Variants in DTNA observed in about 807,000 individuals in gnomAD.
DTNA encodes dystrophin-related protein 3.
In DTNA, 43 loss-of-function variants were observed where a neutral mutation model predicts 100.7. The observed-to-expected ratio is 0.43, with a 90% confidence interval of 0.33 to 0.55. The LOEUF is 0.55. DTNA is among the 20% of genes least tolerant of loss of function. DTNA has a pLI of 0.04. For missense variants in DTNA, 798 were observed against 953.9 expected, an observed-to-expected ratio of 0.84 and a Z score of 2.15; for synonymous variants, 349 against 347.9, an observed-to-expected ratio of 1.00 and a Z score of -0.04.
At chr18:34,734,416 C>T (rs558475475) in intron 1 of DTNA, among the ~76,000 whole-genome samples, 47 of 152,310 alleles carry the variant, frequency 3.1e-4, no homozygotes, top group African/African-American at 1.1e-3. Context: ...CACACATCCC[C>T]ATTCCAAGTT....
At chr18:34,736,690 T>C (rs1196868626) in intron 1 of DTNA, among the ~76,000 whole-genome samples, 1 of 152,188 alleles carries the variant, frequency 6.6e-6, no homozygotes, top group Non-Finnish European at 1.5e-5. Flanking sequence ...TATTCAAAAT[T>C]GTGCATTAAA....
chr18:34,646,958 C>A (rs1367852710), intron 1 of DTNA, among the ~76,000 whole-genome samples: 1 of 152,012 alleles, frequency 6.6e-6, no homozygotes, highest in African/African-American at 2.4e-5. Context: ...TCGTGATCCA[C>A]CCACCTCGGC....
chr18:34,890,032 G>C lies in DTNA; in HGVS notation c.*2298G>C, dbSNP rs927678867. 3.1e-5 allele frequency: 40 copies of C among 1,278,638 alleles called. No homozygotes were observed. The Middle Eastern group carries it at 9.2e-4, about 29-fold the overall frequency. 79.2% of individuals were successfully genotyped at this position (1,278,638 alleles called of 1,614,324 possible). A position where few individuals can be genotyped will look rare whatever the true frequency, so the allele number is the denominator to read the frequency against. Reference sequence around the variant, plus strand: ...TCAAAATCATAGCCAGGTAGTTCTTGAACTCAGAACTTAAATCCTGCACGT... The same window carrying C: ...TCAAAATCATAGCCAGGTAGTTCTTCAACTCAGAACTTAAATCCTGCACGT... On this transcript the variant is annotated 3_prime_UTR_variant, in exon 23 of 23. Coordinates refer to ENST00000444659, the MANE Select transcript of DTNA (RefSeq NM_001386795.1).
chr18:34,522,386 T>C (rs1258842113), intron 1 of DTNA, among the ~76,000 whole-genome samples: 2 of 152,204 alleles, frequency 1.3e-5, no homozygotes, highest in African/African-American at 4.8e-5. Flanking sequence ...TTGTCTCTTC[T>C]AGACTTTTAT....
chr18:34,493,623 G>C (rs1376447106), intron 1 of DTNA: 1 of 150,520 alleles, frequency 6.6e-6, no homozygotes, highest in Non-Finnish European at 1.5e-5. Flanking sequence ...GGGCTGCCGC[G>C]CTGCCCCCGG....
chr18:34,767,438 G>C (rs1160370092), intron 3 of DTNA: 2 of 152,190 alleles, frequency 1.3e-5, no homozygotes, highest in Non-Finnish European at 2.9e-5. Flanking sequence ...GGAAGGAGGG[G>C]ATGGAAGAAA....
chr18:34,775,666 AAGGAAT>A (rs2094009012), intron 3 of DTNA, among the ~76,000 whole-genome samples: 1 of 152,356 alleles, frequency 6.6e-6, no homozygotes, highest in East Asian at 1.9e-4. Flanking sequence ...GACAGCCAGC[AAGGAAT>A]AGGGACCTCA....
At chr18:34,798,327 A>G (rs1213272534) in intron 4 of DTNA, among the ~76,000 whole-genome samples, 1 of 152,072 alleles carries the variant, frequency 6.6e-6, no homozygotes, top group Non-Finnish European at 1.5e-5. Context: ...TTTTTCTGAG[A>G]TTAAGTCTTC....
At chr18:34,546,250 C>T (rs1241965328) in intron 1 of DTNA, among the ~76,000 whole-genome samples, 5 of 152,076 alleles carry the variant, frequency 3.3e-5, no homozygotes, top group Non-Finnish European at 7.4e-5. Flanking sequence ...CATACTCCCT[C>T]CTTCTGGCCT....
chr18:34,522,743 C>T (rs1261633384), intron 1 of DTNA, among the ~76,000 whole-genome samples: 1 of 152,166 alleles, frequency 6.6e-6, no homozygotes, highest in Non-Finnish European at 1.5e-5. Flanking sequence ...AGAAAGCTAG[C>T]TCTCACCACA....
intron 5 of DTNA, 71 bp from the exon 6 acceptor site, chr18:34,811,888 C>G: frequency 6.4e-7 from 1 of 1,572,096 alleles, no homozygotes; most frequent in South Asian, 1.1e-5. Context: ...TCATTTGTAG[C>G]AGATATATTG....
intron 1 of DTNA, among the ~76,000 whole-genome samples, chr18:34,643,162 A>T (rs2059482227): frequency 6.6e-6 from 1 of 152,184 alleles, no homozygotes; most frequent in Non-Finnish European, 1.5e-5. Context: ...GAGTGGCAAG[A>T]TGTGTCATGG....
At chr18:34,781,929 G>A (rs2094340079) in intron 3 of DTNA, among the ~76,000 whole-genome samples, 1 of 152,138 alleles carries the variant, frequency 6.6e-6, no homozygotes, top group African/African-American at 2.4e-5. Context: ...AGGACAAGTA[G>A]GAGACAGTTC....
In DTNA at chr18:34,858,365, A is replaced by G. The variant is rs770486884; in HGVS notation, c.1613A>G (p.Asn538Ser). The change falls in exon 16 of 23, where the codon AAC (asparagine) becomes AGC (serine). Residue 538 changes from asparagine to serine, a missense_variant. Asn to Ser is a conservative substitution (Grantham distance 46). Coordinates refer to ENST00000444659, the MANE Select transcript of DTNA (RefSeq NM_001386795.1). ...CCCACGCCAGAGAAGGCACAGCAAA[A>G]CCCCACCCTGCTGGCAGAACTCCGG... ...SQPTPEKAQQ[N>S]PTLLAELRLL... is the part of the protein sequence containing the mutation. 3.7e-6 allele frequency: 6 copies of G among 1,613,996 alleles called. No homozygotes were observed. Among genetic ancestry groups the G allele is most frequent in the African/African-American group, 1.3e-5 (1 of 74,976 alleles).
intron 9 of DTNA, among the ~76,000 whole-genome samples, chr18:34,826,400 A>G (rs2095859459): frequency 6.6e-6 from 1 of 152,072 alleles, no homozygotes; most frequent in Non-Finnish European, 1.5e-5. Context: ...CTAAGTCTCA[A>G]TGAATTTTTG....
At chr18:34,747,877 G>A (rs1403065036) in intron 1 of DTNA, among the ~76,000 whole-genome samples, 1 of 152,058 alleles carries the variant, frequency 6.6e-6, no homozygotes, top group Non-Finnish European at 1.5e-5. Context: ...ACTTCTTTAA[G>A]GGATCTCCAT....
chr18:34,508,577 T>G lies in DTNA; in HGVS notation c.-2+15063T>G, dbSNP rs556684444. Among the ~76,000 whole-genome samples, 13 of 152,312 alleles carry G rather than the reference T, an allele frequency of 8.5e-5. No individual in the cohort carries two copies. The South Asian group carries it at 2.7e-3, about 32-fold the overall frequency. On this transcript the variant is annotated intron_variant, in intron 1 of 19. Transcript: ENST00000283365. ...AAAAGGTTAAAAGGTTTTAAAATGT[T>G]TTATGATGGTGCTGAAATATAGACA... is the stretch of plus-strand genomic sequence containing the variant.
intron 1 of DTNA, among the ~76,000 whole-genome samples, chr18:34,728,241 G>A (rs1308875976): frequency 6.6e-6 from 1 of 152,048 alleles, no homozygotes; most frequent in Non-Finnish European, 1.5e-5. Context: ...TTTTCTATAT[G>A]TTAAGAAATC....
chr18:34,632,589 G>GC (rs2058207829), intron 1 of DTNA, among the ~76,000 whole-genome samples: 1 of 152,130 alleles, frequency 6.6e-6, no homozygotes, highest in Admixed American at 6.6e-5. Flanking sequence ...AAATCATTCA[G>GC]CCCTTTACCG....
Sources: allele counts gnomAD v4.1 joint callset (sites outside exome capture counted in the v4.1 genomes callset), GRCh38; gene constraint gnomAD v4.1.1; transcripts MANE v1.5; gene names NCBI Gene and HGNC (gene_info 2026-07-23, HGNC 2026-07-21).